PPM1H: variants seen among roughly 807,000 people sequenced by gnomAD.
The protein encoded by PPM1H is protein phosphatase 1H.
In PPM1H, 27 loss-of-function variants were observed where a neutral mutation model predicts 54.9. The observed-to-expected ratio is 0.49, with a 90% CI of 0.36 to 0.68. PPM1H has a LOEUF of 0.68. PPM1H is among the 30% of genes least tolerant of loss of function. The probability of loss-of-function intolerance (pLI) is 0.00; values close to 1 mark genes in which losing one functional copy is unlikely to be tolerated. For missense variants in PPM1H, 596 were observed against 667.8 expected, an observed-to-expected ratio of 0.89 and a Z score of 1.19; for synonymous variants, 305 against 270.8, an observed-to-expected ratio of 1.13 and a Z score of -1.24.
chr12:62,689,841 C>A (rs746510405), intron 7 of PPM1H, 35 bp from the exon 8 acceptor site: 8 of 1,468,860 alleles, frequency 5.4e-6, no homozygotes. Flanking sequence ...CAGAAACACG[C>A]ACACAGTGAA....
intron 9 of PPM1H, among the ~76,000 whole-genome samples, chr12:62,652,533 C>CTTA (rs2075822060): frequency 1.3e-5 from 2 of 152,248 alleles, no homozygotes; most frequent in South Asian, 4.1e-4. Context: ...CATATGAAAA[C>CTTA]TTATTTTGTG....
At chr12:62,773,336 GT>G (rs1363416740) in intron 4 of PPM1H, among the ~76,000 whole-genome samples, 1 of 152,102 alleles carries the variant, frequency 6.6e-6, no homozygotes, top group East Asian at 1.9e-4. Context: ...TTAGCCAGGT[GT>G]GGTGGCACAT....
chr12:62,844,813 G>A lies in PPM1H; in HGVS notation c.246-12534C>T, dbSNP rs1286529543. On this transcript the variant is annotated intron_variant, in intron 1 of 9. Transcript: ENST00000228705. The surrounding 1 kb of genome is among the most constrained non-coding windows in gnomAD (Gnocchi z 5.2). ...ATGGGAGAGAGACTAGAATAATGAC[G>A]GTGTTCTAAGCCTGCCTATATATTT... Among the ~76,000 whole-genome samples the A allele has an allele frequency of 2.0e-5, 3 of 152,130 alleles. No homozygotes were observed. Among genetic ancestry groups the A allele is most frequent in the Non-Finnish European group, 2.9e-5 (2 of 68,024 alleles).
intron 8 of PPM1H, among the ~76,000 whole-genome samples, chr12:62,681,325 G>A (rs1382725690): frequency 6.6e-6 from 1 of 152,112 alleles, no homozygotes; most frequent in Admixed American, 6.5e-5. Context: ...TCTAAATCCA[G>A]TCTGCCTCAT....
chr12:62,714,815 C>T (rs1178434586), intron 6 of PPM1H, among the ~76,000 whole-genome samples: 1 of 152,230 alleles, frequency 6.6e-6, no homozygotes, highest in African/African-American at 2.4e-5. Flanking sequence ...ATACTTTGCT[C>T]ATGACCAGAA....
intron 1 of PPM1H, among the ~76,000 whole-genome samples, chr12:62,919,790 T>C (rs1871735663): frequency 6.6e-6 from 1 of 152,018 alleles, no homozygotes; most frequent in Non-Finnish European, 1.5e-5. Context: ...CCTCTGAGGA[T>C]GGCAAGGCAG....
At chr12:62,670,428 C>A (rs556431290) in intron 8 of PPM1H, among the ~76,000 whole-genome samples, 1 of 152,172 alleles carries the variant, frequency 6.6e-6, no homozygotes, top group South Asian at 2.1e-4. Flanking sequence ...ATTTGCCTTG[C>A]AGCTTCTTCT....
chr12:62,709,024 T>A (rs1040575330), intron 6 of PPM1H, among the ~76,000 whole-genome samples: 2 of 152,164 alleles, frequency 1.3e-5, no homozygotes. Context: ...ATTATTGGCA[T>A]CCTTAGCCTG....
Position 62,848,730 on chromosome 12 carries a change from T to A in PPM1H, c.246-16451A>T, listed in dbSNP as rs181500381. On this transcript the variant is annotated intron_variant, in intron 1 of 9. Transcript: ENST00000228705. Reference sequence around the variant, plus strand: ...CCCTGCAACCTCAGCCTCATTCCACTGAGCTAGAGAATTGTACGTGATATA... The same window carrying A: ...CCCTGCAACCTCAGCCTCATTCCACAGAGCTAGAGAATTGTACGTGATATA... 9.1e-4 allele frequency among the ~76,000 whole-genome samples: 138 copies of A among 151,742 alleles called. 1 individual carries two copies. The highest frequency in any genetic ancestry group is 5.7e-3 in the East Asian group (29 of 5,066).
intron 3 of PPM1H, among the ~76,000 whole-genome samples, chr12:62,792,209 G>C (rs2076704901): frequency 6.6e-6 from 1 of 152,068 alleles, no homozygotes; most frequent in Admixed American, 6.6e-5. Context: ...AAAAAATCAA[G>C]GTAAAGAGCT....
At chr12:62,848,772 C>T (rs1869068801) in intron 1 of PPM1H, among the ~76,000 whole-genome samples, 1 of 152,094 alleles carries the variant, frequency 6.6e-6, no homozygotes, top group Admixed American at 6.5e-5. Context: ...GTTTATAATC[C>T]ACTGGTGGTG....
chr12:62,889,516 T>C (rs1870709584), intron 1 of PPM1H, among the ~76,000 whole-genome samples: 1 of 151,798 alleles, frequency 6.6e-6, no homozygotes, highest in Non-Finnish European at 1.5e-5. Flanking sequence ...AATATATATA[T>C]AAAAATATAA....
chr12:62,707,102 T>C (rs545515723), intron 6 of PPM1H, among the ~76,000 whole-genome samples: 1 of 152,260 alleles, frequency 6.6e-6, no homozygotes, highest in East Asian at 1.9e-4. Flanking sequence ...GCCTTGGAGA[T>C]GGGGTGTGTA....
intron 1 of PPM1H, among the ~76,000 whole-genome samples, chr12:62,916,792 G>A (rs1296218879): frequency 6.6e-6 from 1 of 152,052 alleles, no homozygotes; most frequent in Admixed American, 6.6e-5. Context: ...AGCACATTAG[G>A]GAGGAAGCTG....
chr12:62,894,263 C>T (rs1870902192), intron 1 of PPM1H, among the ~76,000 whole-genome samples: 1 of 152,170 alleles, frequency 6.6e-6, no homozygotes, highest in South Asian at 2.1e-4. Flanking sequence ...AGGATAGGAG[C>T]TCCCAGGCAT....
intron 8 of PPM1H, among the ~76,000 whole-genome samples, chr12:62,683,048 A>T (rs1052810444): frequency 9.1e-6 from 1 of 109,816 alleles, no homozygotes; most frequent in Non-Finnish European, 1.8e-5. Context: ...TATTATTATT[A>T]TTATTATTAT....
intron 6 of PPM1H, among the ~76,000 whole-genome samples, chr12:62,700,634 G>A (rs2076138909): frequency 6.6e-6 from 1 of 152,140 alleles, no homozygotes; most frequent in Non-Finnish European, 1.5e-5. Flanking sequence ...CTACATTATT[G>A]GGACGGATCC....
chr12:62,851,522 G>A (rs1869186737), intron 1 of PPM1H, among the ~76,000 whole-genome samples: 1 of 152,084 alleles, frequency 6.6e-6, no homozygotes, highest in Non-Finnish European at 1.5e-5. Context: ...GGCCAACATG[G>A]TGAAATCCTG....
chr12:62,749,882 T>C (rs75752879), intron 4 of PPM1H, among the ~76,000 whole-genome samples: 1,790 of 152,356 alleles, frequency 0.012, 47 homozygotes, highest in African/African-American at 0.04. Flanking sequence ...CAGCCCAGTC[T>C]GTACTCATAC....
Sources: gnomAD v4.1 joint callset for allele counts (sites outside exome capture counted in the v4.1 genomes callset) on GRCh38, gnomAD v4.1.1 for gene constraint, Gnocchi (gnomAD v3.1) non-coding constraint, MANE v1.5 for transcripts, NCBI Gene and HGNC (gene_info 2026-07-23, HGNC 2026-07-21) for gene names.